The following ZFAND3 variants were observed in gnomAD, a reference collection of about 807,000 sequenced individuals.
ZFAND3 encodes the protein zinc finger AN1-type containing 3.
Under a neutral mutation model 29.6 loss-of-function variants are expected in ZFAND3, and 10 were observed. The observed-to-expected ratio is 0.34, with a 90% CI of 0.21 to 0.57. The LOEUF (loss-of-function observed/expected upper bound fraction) is 0.57. ZFAND3 is among the 20% of genes least tolerant of loss of function. The probability of loss-of-function intolerance (pLI) is 0.86; values close to 1 mark genes in which losing one functional copy is unlikely to be tolerated. For missense variants in ZFAND3, 230 were observed against 304.5 expected (o/e 0.76, Z 1.82); for synonymous variants, 128 against 112.6 (o/e 1.14, Z -0.87).
chr6:37,879,091 G>A (rs147344295), intron 1 of ZFAND3, among the ~76,000 whole-genome samples: 107 of 152,330 alleles, frequency 7.0e-4, no homozygotes, highest in African/African-American at 2.5e-3. Flanking sequence ...ATTAGCCAAA[G>A]TAAATTGATT....
At position 37,841,085 on chromosome 6, in the gene ZFAND3, A is replaced by G. The variant is rs190439813; in HGVS notation, c.71+21069A>G. Reference sequence around the variant, plus strand: ...TAATCAGTTAATGGGTTGCTGGGTTATAGAAAAATCAACACAGAGGAAATT... The same window carrying G: ...TAATCAGTTAATGGGTTGCTGGGTTGTAGAAAAATCAACACAGAGGAAATT... On this transcript the variant is annotated intron_variant, in intron 1 of 5. Coordinates refer to ENST00000287218, the MANE Select transcript of ZFAND3 (RefSeq NM_021943.3). 6.5e-4 allele frequency among the ~76,000 whole-genome samples: 99 copies of G among 152,226 alleles called. No homozygotes were observed. The East Asian group carries it at 0.017, about 26-fold the overall frequency.
intron 2 of ZFAND3, among the ~76,000 whole-genome samples, chr6:37,997,172 G>A (rs997269186): frequency 6.6e-6 from 1 of 152,168 alleles, no homozygotes. Context: ...ATAGTAGAAA[G>A]GGGTTTAGTT....
intron 4 of ZFAND3, among the ~76,000 whole-genome samples, chr6:38,096,918 G>A (rs938555180): frequency 1.1e-4 from 17 of 151,976 alleles, no homozygotes; most frequent in Non-Finnish European, 1.9e-4. Flanking sequence ...GGTTAGATTT[G>A]TCATTGTGCT....
At chr6:38,071,521 G>C (rs377712654) in intron 3 of ZFAND3, among the ~76,000 whole-genome samples, 1 of 151,738 alleles carries the variant, frequency 6.6e-6, no homozygotes, top group Non-Finnish European at 1.5e-5. Flanking sequence ...CTGTTCCTAG[G>C]CTCTTTATTT....
intron 2 of ZFAND3, among the ~76,000 whole-genome samples, chr6:38,007,921 T>C (rs921423377): frequency 6.6e-6 from 1 of 152,148 alleles, no homozygotes; most frequent in Non-Finnish European, 1.5e-5. Context: ...TCTTGAAGAA[T>C]GATTTAGGGC....
At chr6:38,006,192 C>CT (rs762007805) in intron 2 of ZFAND3, among the ~76,000 whole-genome samples, 2 of 152,032 alleles carry the variant, frequency 1.3e-5, no homozygotes, top group Non-Finnish European at 2.9e-5. Context: ...AATTTATAGT[C>CT]TTTTTTGTGG....
In ZFAND3 at chr6:38,039,173, C is replaced by T. The variant is rs562210908; in HGVS notation, c.113-22420C>T. ...AATAAAATTTTAAAAGGTATTGGGT[C>T]TTATTTCTACAAGGTATGTCTTATT... On this transcript the variant is annotated intron_variant, in intron 2 of 5. Coordinates refer to ENST00000287218, the MANE Select transcript of ZFAND3 (RefSeq NM_021943.3). Among the ~76,000 whole-genome samples the T allele has an allele frequency of 2.0e-5, 3 of 152,190 alleles. No homozygotes were observed. In the South Asian group the frequency reaches 6.2e-4, roughly 32 times the overall value.
intron 2 of ZFAND3, among the ~76,000 whole-genome samples, chr6:37,940,793 G>C (rs2127416923): frequency 6.6e-6 from 1 of 152,130 alleles, no homozygotes; most frequent in South Asian, 2.1e-4. Context: ...ATTGGGGAGA[G>C]AGAAGAAAAA....
chr6:38,041,759 C>T lies in ZFAND3; in HGVS notation c.113-19834C>T, dbSNP rs1375880405. Reference sequence around the variant, plus strand: ...TCCTCCTCCTCCTCCTCCTCCTCCTCCTCCTCCTCCTCCTCCTCCTCCTCT... The same window carrying T: ...TCCTCCTCCTCCTCCTCCTCCTCCTTCTCCTCCTCCTCCTCCTCCTCCTCT... On this transcript the variant is annotated intron_variant, in intron 2 of 5. Transcript: ENST00000287218. Among the ~76,000 whole-genome samples the T allele has an allele frequency of 1.2e-3, 3 of 2,552 alleles. 1 individual carries two copies. Among genetic ancestry groups the T allele is most frequent in the African/African-American group, 1.4e-3 (3 of 2,140 alleles). 1.7% of individuals were successfully genotyped at this position (2,552 alleles called of 152,430 possible).
chr6:38,014,861 C>T (rs1763227042), intron 2 of ZFAND3, among the ~76,000 whole-genome samples: 1 of 152,130 alleles, frequency 6.6e-6, no homozygotes, highest in African/African-American at 2.4e-5. Context: ...CTTCTTTTTG[C>T]CTCTTCTTTC....
chr6:38,041,208 A>G (rs565445400), intron 2 of ZFAND3, among the ~76,000 whole-genome samples: 1 of 152,314 alleles, frequency 6.6e-6, no homozygotes, highest in Admixed American at 6.5e-5. Flanking sequence ...TCTGTAGTGC[A>G]TAGTATCAGG....
chr6:38,135,844 G>C (rs1329232590), intron 5 of ZFAND3, among the ~76,000 whole-genome samples: 1 of 152,184 alleles, frequency 6.6e-6, no homozygotes, highest in East Asian at 1.9e-4. Context: ...ACACTTACTA[G>C]CATCACCAAG....
At chr6:37,835,949 T>C (rs1048760640) in intron 1 of ZFAND3, among the ~76,000 whole-genome samples, 7 of 152,232 alleles carry the variant, frequency 4.6e-5, no homozygotes, top group African/African-American at 1.7e-4. Context: ...AGTATTATTA[T>C]GCTACAAAAG....
chr6:38,048,747 T>C (rs1187533571), intron 2 of ZFAND3, among the ~76,000 whole-genome samples: 1 of 152,072 alleles, frequency 6.6e-6, no homozygotes, highest in Non-Finnish European at 1.5e-5. Context: ...TAAGTAACTT[T>C]CTTATGGTCA....
intron 2 of ZFAND3, among the ~76,000 whole-genome samples, chr6:38,057,845 C>G (rs768675024): frequency 5.3e-5 from 8 of 152,188 alleles, no homozygotes; most frequent in African/African-American, 7.2e-5. Flanking sequence ...TTCCTGGATT[C>G]TTTTTCAGAT....
chr6:37,922,703 A>AT (rs1213475312), intron 1 of ZFAND3, among the ~76,000 whole-genome samples: 2 of 152,200 alleles, frequency 1.3e-5, no homozygotes, highest in Non-Finnish European at 2.9e-5. Flanking sequence ...ACATGTTACT[A>AT]TATTGAATAC....
chr6:37,837,538 C>G (rs960946290), intron 1 of ZFAND3, among the ~76,000 whole-genome samples: 2 of 142,422 alleles, frequency 1.4e-5, no homozygotes, highest in African/African-American at 5.3e-5. Flanking sequence ...GAATTTTGCT[C>G]TTGTTGCCCA....
rs953162387 is a variant in ZFAND3 at position 37,896,606 on chromosome 6, CTCTT to C, written c.72-33343_72-33340del. 1.9e-4 allele frequency among the ~76,000 whole-genome samples: 24 copies of C among 127,570 alleles called. No homozygotes were observed. In the South Asian group the frequency reaches 2.2e-3, roughly 12 times the overall value. The allele number at this position is 127,570 out of a possible 152,430, so 83.7% of individuals were successfully genotyped here. On this transcript the variant is annotated intron_variant, in intron 1 of 5. Transcript: ENST00000287218. ...TCTCTTTCTCTTTTTCTTTCTCTCT[CTCTT>C]TCTTTCTTTTCTTTCTTTCTTGCCT...
chr6:38,134,759 G>T (rs551281002), intron 5 of ZFAND3, among the ~76,000 whole-genome samples: 2 of 152,212 alleles, frequency 1.3e-5, no homozygotes, highest in Non-Finnish European at 2.9e-5. Flanking sequence ...AGCTGCTGGG[G>T]CCTGGAGACG....
Sources: allele counts gnomAD v4.1 joint callset (sites outside exome capture counted in the v4.1 genomes callset), GRCh38; gene constraint gnomAD v4.1.1; transcripts MANE v1.5; gene names NCBI Gene and HGNC (gene_info 2026-07-23, HGNC 2026-07-21).